STRN: variants seen among roughly 807,000 people sequenced by gnomAD.
STRN encodes striatin, also known as protein phosphatase 2 regulatory subunit B'''alpha.
Under a neutral mutation model 96.3 loss-of-function variants are expected in STRN, and 53 were observed. The ratio of observed to expected loss-of-function variants is 0.55; its 90% CI spans 0.44 to 0.69. The LOEUF (loss-of-function observed/expected upper bound fraction) is 0.69, where lower values mean the gene tolerates loss of function less well. STRN is among the 30% of genes least tolerant of loss of function. The pLI, the probability that STRN is intolerant of heterozygous loss-of-function variation, is 0.00. For missense variants in STRN, 987 were observed against 963.9 expected (o/e 1.02, Z -0.32); for synonymous variants, 428 against 355.9 (o/e 1.20, Z -2.28).
intron 2 of STRN, among the ~76,000 whole-genome samples, chr2:36,924,302 G>A (rs1470184710): frequency 6.8e-6 from 1 of 146,134 alleles, no homozygotes; most frequent in Non-Finnish European, 1.5e-5. Flanking sequence ...CTTGCAGTGA[G>A]CTGAGATTGC....
chr2:36,916,402 G>T (rs1463269619), intron 2 of STRN, among the ~76,000 whole-genome samples: 1 of 151,270 alleles, frequency 6.6e-6, no homozygotes. Context: ...TCTTCTTTCT[G>T]TAATAACAAA....
Position 36,843,154 on chromosome 2 carries a change from A to C in STRN, c.*6302T>G, listed in dbSNP as rs1470014416. 6.6e-6 allele frequency among the ~76,000 whole-genome samples: 1 copy of C among 152,200 alleles called. No individual in the cohort carries two copies. The highest frequency in any genetic ancestry group is 1.5e-5 in the Non-Finnish European group (1 of 68,040). ...TTAAAAAGATAAAAGAGGTGTTTCC[A>C]ACACTACTGAAAATGTGTGTACATA... On this transcript the variant is annotated 3_prime_UTR_variant, in exon 18 of 18. Transcript: ENST00000263918.
intron 1 of STRN, among the ~76,000 whole-genome samples, chr2:36,940,835 T>C (rs1391101924): frequency 5.0e-5 from 3 of 60,002 alleles, no homozygotes; most frequent in Admixed American, 2.4e-4. Flanking sequence ...AGACTCTGTC[T>C]CAAAAAAAAA....
At chr2:36,879,079 T>G (rs532661821) in intron 9 of STRN, among the ~76,000 whole-genome samples, 7 of 147,738 alleles carry the variant, frequency 4.7e-5, no homozygotes, top group Admixed American at 4.7e-4. Flanking sequence ...TATTTGTTTT[T>G]TTTGTTTTTT....
intron 7 of STRN, among the ~76,000 whole-genome samples, chr2:36,890,170 T>C (rs193270239): frequency 6.6e-5 from 10 of 152,300 alleles, no homozygotes; most frequent in African/African-American, 2.4e-4. Context: ...AGTAACTTGA[T>C]ACACAAGCTC....
At chr2:36,915,982 A>G in intron 3 of STRN, 96 bp downstream of exon 3, 9 of 1,121,356 alleles carry the variant, frequency 8.0e-6, no homozygotes, top group Admixed American at 2.2e-5. Flanking sequence ...CTAATACACA[A>G]ATAATTAGAA....
rs143833845 is a variant in STRN, at chr2:36,907,869, G to A, written c.413-2251C>T. Among the ~76,000 whole-genome samples the A allele has an allele frequency of 6.1e-4, 92 of 151,992 alleles. 1 individual carries two copies. In the East Asian group the frequency reaches 8.9e-3, roughly 15 times the overall value. ...TCTAAAAGAACTCTAAAATAACTAG[G>A]CTTAGTTCTGTGATATACCAAAGAA... On this transcript the variant is annotated intron_variant, in intron 3 of 17. Coordinates refer to ENST00000263918, the MANE Select transcript of STRN (RefSeq NM_003162.4).
At chr2:36,854,340 G>C (rs981331379) in intron 15 of STRN, among the ~76,000 whole-genome samples, 3 of 151,978 alleles carry the variant, frequency 2.0e-5, no homozygotes, top group Non-Finnish European at 2.9e-5. Flanking sequence ...TTATTTTCCT[G>C]TCTCTCTCGT....
In STRN at chr2:36,905,518, A is replaced by G. The variant is rs184576771; in HGVS notation, c.491+22T>C. On this transcript the variant is annotated intron_variant, in intron 4 of 17. Coordinates refer to ENST00000263918, the MANE Select transcript of STRN (RefSeq NM_003162.4). ...TGTTTCTTGTCTTCAGCCATTTATA[A>G]GTTTCACCATGAGACACTTACTGTC... The G allele has an allele frequency of 6.2e-6, 10 of 1,607,386 alleles. No homozygotes were observed. In the Admixed American group the frequency reaches 6.7e-5, roughly 11 times the overall value.
At chr2:36,956,170 C>T (rs115613347) in intron 1 of STRN, among the ~76,000 whole-genome samples, 11 of 152,268 alleles carry the variant, frequency 7.2e-5, no homozygotes, top group African/African-American at 2.6e-4. Flanking sequence ...GAAACTGGTT[C>T]TTGGCTTCTA....
At chr2:36,948,864 A>C (rs1023956213) in intron 1 of STRN, among the ~76,000 whole-genome samples, 2 of 152,250 alleles carry the variant, frequency 1.3e-5, no homozygotes, top group African/African-American at 4.8e-5. Context: ...ATATAAATCT[A>C]CAAGGTGGTC....
intron 15 of STRN, among the ~76,000 whole-genome samples, chr2:36,851,318 A>G (rs1307223451): frequency 2.0e-5 from 3 of 152,018 alleles, no homozygotes; most frequent in Non-Finnish European, 2.9e-5. Flanking sequence ...CCCTGTCTCT[A>G]TTAAAAATAC....
chr2:36,929,238 T>C (rs552402465), intron 1 of STRN, among the ~76,000 whole-genome samples: 1 of 152,312 alleles, frequency 6.6e-6, no homozygotes, highest in African/African-American at 2.4e-5. Flanking sequence ...AATTTATTTT[T>C]GTATTATTTT....
chr2:36,880,926 AG>A (rs1669052499), intron 9 of STRN, among the ~76,000 whole-genome samples: 1 of 152,148 alleles, frequency 6.6e-6, no homozygotes, highest in African/African-American at 2.4e-5. Context: ...GTGGACAGCC[AG>A]GACACTCCAG....
In STRN at chr2:36,918,183, G is replaced by A. The variant is rs142928060; in HGVS notation, c.339-2032C>T. On this transcript the variant is annotated intron_variant, in intron 2 of 17. Transcript: ENST00000263918. ...GATTTTATCACTGGACGAAATGTTT[G>A]CCCATCTAGTTCAATGTATTTGTAA... Among the ~76,000 whole-genome samples the A allele has an allele frequency of 1.2e-4, 18 of 152,172 alleles. No homozygotes were observed. The East Asian group carries it at 3.5e-3, about 29-fold the overall frequency.
intron 6 of STRN, among the ~76,000 whole-genome samples, chr2:36,895,693 C>A: frequency 6.7e-6 from 1 of 149,464 alleles, no homozygotes; most frequent in East Asian, 2.0e-4. Flanking sequence ...GGGTGGATCA[C>A]GAGGTCAGGA....
chr2:36,864,370 G>A (rs1183423789), intron 12 of STRN, among the ~76,000 whole-genome samples: 4 of 152,188 alleles, frequency 2.6e-5, no homozygotes, highest in African/African-American at 7.2e-5. Flanking sequence ...ATGAAGTGAT[G>A]CTGAATTTTA....
Position 36,869,571 on chromosome 2 carries a change from T to A in STRN, c.1482A>T (p.Lys494Asn). Reference sequence around the variant, plus strand: ...ATTCTCACTTTTTGGCTGGGGCTGTTTTCTGTAAATTCCACATTTTTAATG... The same window carrying A: ...ATTCTCACTTTTTGGCTGGGGCTGTATTCTGTAAATTCCACATTTTTAATG... The part of the protein sequence containing the change: ...DHTLKMWNLQ[K>N]TAPAKKSTSL... Residue 494 changes from lysine to asparagine, a missense_variant, in exon 11 of 18, where the codon AAA becomes AAT. Lys to Asn is a moderately conservative substitution (Grantham distance 94). Coordinates refer to ENST00000263918, the MANE Select transcript of STRN (RefSeq NM_003162.4). 6.3e-7 allele frequency: 1 copy of A among 1,574,830 alleles called. No individual in the cohort carries two copies. Among genetic ancestry groups the A allele is most frequent in the Non-Finnish European group, 8.6e-7 (1 of 1,160,380 alleles).
rs10208622 is a variant in STRN at position 36,921,503 on chromosome 2, G to A, written c.338+3602C>T. Among the ~76,000 whole-genome samples the A allele has an allele frequency of 9.2e-3, 1,396 of 152,126 alleles. 26 individuals carry two copies. The highest frequency in any genetic ancestry group is 0.032 in the African/African-American group (1,337 of 41,508). On this transcript the variant is annotated intron_variant, in intron 2 of 17. Coordinates refer to ENST00000263918, the MANE Select transcript of STRN (RefSeq NM_003162.4). ...CCCAAGCATATATTTCTCATCATGCGTCCCCTTCACATATCTGCTCTTTAA... is the reference window on the plus strand; with the variant it reads ...CCCAAGCATATATTTCTCATCATGCATCCCCTTCACATATCTGCTCTTTAA...
Sources: allele counts gnomAD v4.1 joint callset (sites outside exome capture counted in the v4.1 genomes callset), GRCh38; gene constraint gnomAD v4.1.1; transcripts MANE v1.5; gene names NCBI Gene and HGNC (gene_info 2026-07-23, HGNC 2026-07-21).